The following ZNF804A variants were observed in gnomAD, a reference collection of about 807,000 sequenced individuals.
ZNF804A encodes zinc finger protein 804A.
ZNF804A carries 2 observed loss-of-function variants against 16.5 expected under a neutral mutation model. The ratio of observed to expected loss-of-function variants is 0.12; its 90% CI spans 0.05 to 0.38. The LOEUF (loss-of-function observed/expected upper bound fraction) is 0.38. Ranked by LOEUF, ZNF804A falls within the 10% of genes least tolerant of loss-of-function variation. ZNF804A has a pLI of 0.99. For synonymous variants in ZNF804A, 534 were observed against 489.6 expected (o/e 1.09, Z -1.20); for missense variants, 1,473 against 1,390.7 (o/e 1.06, Z -0.94).
At chr2:184,657,307 GAAC>G (rs2105704051) in intron 1 of ZNF804A, among the ~76,000 whole-genome samples, 1 of 152,124 alleles carries the variant, frequency 6.6e-6, no homozygotes, top group African/African-American at 2.4e-5. Flanking sequence ...GGTTAGTCTC[GAAC>G]TCCTGGACTC....
intron 1 of ZNF804A, among the ~76,000 whole-genome samples, chr2:184,673,539 G>A (rs1050802669): frequency 4.6e-5 from 7 of 152,162 alleles, no homozygotes; most frequent in African/African-American, 1.7e-4. Context: ...ACAGTATCCT[G>A]TTCACTGAAA....
At chr2:184,806,595 T>TATTGTTTAATATACAGTCAC (rs1361056737) in intron 1 of ZNF804A, among the ~76,000 whole-genome samples, 1 of 151,840 alleles carries the variant, frequency 6.6e-6, no homozygotes, top group Non-Finnish European at 1.5e-5. Context: ...TAACTGTAGA[T>TATTGTTTAATATACAGTCAC]ATTGTTTAAT....
At chr2:184,916,258 C>A (rs534078542) in intron 2 of ZNF804A, among the ~76,000 whole-genome samples, 1 of 151,992 alleles carries the variant, frequency 6.6e-6, no homozygotes, top group Admixed American at 6.5e-5. Flanking sequence ...GAAATTATAA[C>A]CAAAAATTTT....
intron 2 of ZNF804A, among the ~76,000 whole-genome samples, chr2:184,879,985 C>T (rs1036976760): frequency 2.6e-5 from 4 of 151,992 alleles, no homozygotes; most frequent in Admixed American, 6.6e-5. Context: ...AGCATACCTT[C>T]TTATCAAAAA....
chr2:184,790,216 CTTTTTTGT>C (rs1388000117), intron 1 of ZNF804A, among the ~76,000 whole-genome samples: 1 of 149,990 alleles, frequency 6.7e-6, no homozygotes, highest in Non-Finnish European at 1.5e-5. Context: ...GTTTTTTTTG[CTTTTTTGT>C]TTTTTTGTTT....
At chr2:184,643,693 T>A (rs889811787) in intron 1 of ZNF804A, among the ~76,000 whole-genome samples, 8 of 151,664 alleles carry the variant, frequency 5.3e-5, no homozygotes, top group African/African-American at 9.7e-5. Flanking sequence ...CTCTTGCAAT[T>A]TTTGTACATG....
intron 2 of ZNF804A, among the ~76,000 whole-genome samples, chr2:184,933,188 T>C (rs1327284393): frequency 6.6e-6 from 1 of 151,894 alleles, no homozygotes; most frequent in East Asian, 1.9e-4. Context: ...CAGATAACTT[T>C]CTAATATACT....
intron 2 of ZNF804A, among the ~76,000 whole-genome samples, chr2:184,933,143 GCACA>G (rs35560626): frequency 0.011 from 1,673 of 148,254 alleles, 34 homozygotes; most frequent in Admixed American, 0.053. Context: ...ACACACACAC[GCACA>G]CACACACACA....
intron 1 of ZNF804A, among the ~76,000 whole-genome samples, chr2:184,638,479 G>A (rs1691739104): frequency 6.6e-6 from 1 of 152,178 alleles, no homozygotes; most frequent in South Asian, 2.1e-4. Context: ...CCTTAGGTCT[G>A]TGGGTATGTT....
At chr2:184,669,025 C>T (rs1052595695) in intron 1 of ZNF804A, among the ~76,000 whole-genome samples, 3 of 151,942 alleles carry the variant, frequency 2.0e-5, no homozygotes, top group Non-Finnish European at 4.4e-5. Context: ...ATATATAGTA[C>T]TCACTTCCCT....
intron 1 of ZNF804A, among the ~76,000 whole-genome samples, chr2:184,747,128 G>C (rs1693800758): frequency 6.6e-6 from 1 of 150,890 alleles, no homozygotes; most frequent in Non-Finnish European, 1.5e-5. Context: ...TTAGTAAAAA[G>C]TTTAGTTATA....
intron 2 of ZNF804A, among the ~76,000 whole-genome samples, chr2:184,901,509 G>A (rs1685181867): frequency 6.6e-6 from 1 of 152,116 alleles, no homozygotes; most frequent in Non-Finnish European, 1.5e-5. Context: ...CATGAAAGTG[G>A]CAATAGTTCT....
At chr2:184,662,108 G>A (rs1372269408) in intron 1 of ZNF804A, among the ~76,000 whole-genome samples, 1 of 152,078 alleles carries the variant, frequency 6.6e-6, no homozygotes, top group Non-Finnish European at 1.5e-5. Flanking sequence ...TTGCTCTTTT[G>A]TTAAGTACTC....
Position 184,802,162 on chromosome 2 carries a change from C to T in ZNF804A, c.112-64207C>T, listed in dbSNP as rs1048269135. ...CAGAATCCTGTGATTAAATCTTAGC[C>T]TTGTATTGGCCTTTGTCCCTAGTAT... On this transcript the variant is annotated intron_variant, in intron 1 of 3. Transcript: ENST00000302277. Among the ~76,000 whole-genome samples, 4 of 152,144 alleles carry T rather than the reference C, an allele frequency of 2.6e-5. No individual in the cohort carries two copies. In the East Asian group the frequency reaches 7.7e-4, roughly 29 times the overall value.
intron 2 of ZNF804A, among the ~76,000 whole-genome samples, chr2:184,871,273 T>C (rs1695968770): frequency 6.6e-6 from 1 of 151,438 alleles, no homozygotes; most frequent in South Asian, 2.1e-4. Context: ...AAGAGTGAAA[T>C]TGAATGAAGA....
chr2:184,903,407 A>G (rs967421161), intron 2 of ZNF804A, among the ~76,000 whole-genome samples: 1 of 152,146 alleles, frequency 6.6e-6, no homozygotes, highest in African/African-American at 2.4e-5. Flanking sequence ...ATTGCCTACA[A>G]TATTTAGTGC....
At chr2:184,832,442 C>T (rs1418901449) in intron 1 of ZNF804A, among the ~76,000 whole-genome samples, 6 of 151,954 alleles carry the variant, frequency 3.9e-5, no homozygotes, top group Non-Finnish European at 8.8e-5. Flanking sequence ...TATAAGGTGT[C>T]ACAAATTATT....
At chr2:184,653,990 A>G (rs1692033879) in intron 1 of ZNF804A, among the ~76,000 whole-genome samples, 1 of 152,120 alleles carries the variant, frequency 6.6e-6, no homozygotes, top group Non-Finnish European at 1.5e-5. Context: ...CCCTAGTGCC[A>G]ACTGTGACCA....
At chr2:184,635,844 A>G (rs1230247661) in intron 1 of ZNF804A, among the ~76,000 whole-genome samples, 1 of 152,182 alleles carries the variant, frequency 6.6e-6, no homozygotes, top group Non-Finnish European at 1.5e-5. Context: ...CTCATTGACT[A>G]GTTGATAGAT....
Sources: gnomAD v4.1 joint callset for allele counts (sites outside exome capture counted in the v4.1 genomes callset) on GRCh38, gnomAD v4.1.1 for gene constraint, MANE v1.5 for transcripts, NCBI Gene and HGNC (gene_info 2026-07-23, HGNC 2026-07-21) for gene names.